SHISA6: variants seen among roughly 807,000 people sequenced by gnomAD.
SHISA6 encodes shisa family member 6.
Under a neutral mutation model 47.9 loss-of-function variants are expected in SHISA6, and 22 were observed. That is an observed-to-expected ratio of 0.46 (90% confidence interval 0.33 to 0.66). The LOEUF is 0.66. Ranked by LOEUF, SHISA6 falls within the 30% of genes least tolerant of loss-of-function variation. The pLI, the probability that SHISA6 is intolerant of heterozygous loss-of-function variation, is 0.02. For missense variants in SHISA6, 680 were observed against 764.6 expected (o/e 0.89, Z 1.30); for synonymous variants, 388 against 337.8 (o/e 1.15, Z -1.63).
At chr17:11,551,841 G>A in intron 3 of SHISA6, 55 bp from the exon 4 acceptor site, 3 of 1,414,530 alleles carry the variant, frequency 2.1e-6, no homozygotes. Context: ...TTATGTTGGA[G>A]AGATAGTGGA....
intron 3 of SHISA6, among the ~76,000 whole-genome samples, chr17:11,507,790 T>A (rs996408542): frequency 6.6e-6 from 1 of 152,216 alleles, no homozygotes; most frequent in Non-Finnish European, 1.5e-5. Flanking sequence ...TTTAAAACAA[T>A]AAGATTATTT....
intron 3 of SHISA6, among the ~76,000 whole-genome samples, chr17:11,400,285 C>G (rs1913721544): frequency 6.6e-6 from 1 of 152,196 alleles, no homozygotes. Context: ...TGCCATCTCT[C>G]AAACCCAGCA....
At chr17:11,524,965 G>A (rs984699062) in intron 3 of SHISA6, among the ~76,000 whole-genome samples, 10 of 152,170 alleles carry the variant, frequency 6.6e-5, no homozygotes, top group African/African-American at 2.4e-4. Context: ...AGATGACGGG[G>A]GGGTAGATGA....
chr17:11,418,053 TC>T (rs1914336696), intron 3 of SHISA6, among the ~76,000 whole-genome samples: 1 of 152,230 alleles, frequency 6.6e-6, no homozygotes, highest in Non-Finnish European at 1.5e-5. Flanking sequence ...TCACATGTGT[TC>T]TTCCCTAACC....
At chr17:11,521,042 A>G (rs917209283) in intron 3 of SHISA6, among the ~76,000 whole-genome samples, 12 of 152,216 alleles carry the variant, frequency 7.9e-5, no homozygotes, top group African/African-American at 2.9e-4. Context: ...AGAATGGGGA[A>G]CATTGTCATC....
At chr17:11,549,174 T>G (rs2142385549) in intron 3 of SHISA6, among the ~76,000 whole-genome samples, 1 of 151,864 alleles carries the variant, frequency 6.6e-6, no homozygotes, top group South Asian at 2.1e-4. Context: ...GGTGGGGGAG[T>G]TGGGGTTGAG....
chr17:11,332,893 G>A (rs2073460495), intron 2 of SHISA6, among the ~76,000 whole-genome samples: 1 of 152,186 alleles, frequency 6.6e-6, no homozygotes, highest in Admixed American at 6.5e-5. Context: ...TTGCAGGGAT[G>A]TTTGGTGTCA....
At chr17:11,461,559 G>C (rs938293341) in intron 3 of SHISA6, among the ~76,000 whole-genome samples, 25 of 152,212 alleles carry the variant, frequency 1.6e-4, no homozygotes, top group African/African-American at 5.8e-4. Flanking sequence ...CACCAGGATA[G>C]GACAAGAGGC....
intron 3 of SHISA6, among the ~76,000 whole-genome samples, chr17:11,477,936 G>A (rs1409566452): frequency 7.1e-6 from 1 of 140,264 alleles, no homozygotes; most frequent in African/African-American, 2.8e-5. Flanking sequence ...TATATACCCA[G>A]TAATGGGATG....
intron 2 of SHISA6, among the ~76,000 whole-genome samples, chr17:11,287,143 C>A (rs1374009048): frequency 6.6e-6 from 1 of 151,778 alleles, no homozygotes; most frequent in Non-Finnish European, 1.5e-5. Context: ...GCTTGTAGTC[C>A]CAGTTACTTG....
chr17:11,560,751 G>T lies in SHISA6; in HGVS notation c.*2447G>T, dbSNP rs1463658049. Reference sequence around the variant, plus strand: ...TGACAGGGTTTCTGTCTCTCTCAGGGGTTGTTGATGAGTTGATTCCAAGAC... The same window carrying T: ...TGACAGGGTTTCTGTCTCTCTCAGGTGTTGTTGATGAGTTGATTCCAAGAC... On this transcript the variant is annotated 3_prime_UTR_variant, in exon 6 of 6. Coordinates refer to ENST00000441885, the MANE Select transcript of SHISA6 (RefSeq NM_207386.4). The T allele has an allele frequency of 6.6e-6, 1 of 152,284 alleles. No homozygotes were observed. Among genetic ancestry groups the T allele is most frequent in the East Asian group, 1.9e-4 (1 of 5,176 alleles). 9.4% of individuals were successfully genotyped at this position (152,284 alleles called of 1,614,324 possible). A position where few individuals can be genotyped will look rare whatever the true frequency, so the allele number is the denominator to read the frequency against.
chr17:11,345,268 T>C (rs1480404840), intron 2 of SHISA6, among the ~76,000 whole-genome samples: 1 of 152,092 alleles, frequency 6.6e-6, no homozygotes, highest in Non-Finnish European at 1.5e-5. Context: ...GGTGTAGATA[T>C]CTCCTCAACA....
At chr17:11,556,414 T>C (rs2071980789) in intron 5 of SHISA6, among the ~76,000 whole-genome samples, 1 of 152,220 alleles carries the variant, frequency 6.6e-6, no homozygotes, top group African/African-American at 2.4e-5. Context: ...TGATGCCAGC[T>C]CTGCCTCTTG....
chr17:11,399,790 G>A (rs1567595382), intron 3 of SHISA6, among the ~76,000 whole-genome samples: 1 of 152,100 alleles, frequency 6.6e-6, no homozygotes, highest in African/African-American at 2.4e-5. Context: ...TGGAAATGTT[G>A]AGCCATGCAG....
At chr17:11,268,488 T>G (rs1319934409) in intron 2 of SHISA6, among the ~76,000 whole-genome samples, 2 of 152,244 alleles carry the variant, frequency 1.3e-5, no homozygotes, top group African/African-American at 4.8e-5. Context: ...TATTCTTGCA[T>G]TGAGATATTT....
chr17:11,555,642 A>G, intron 4 of SHISA6, 98 bp from the exon 5 acceptor site: 2 of 1,347,286 alleles, frequency 1.5e-6, no homozygotes, highest in East Asian at 5.2e-5. Context: ...GAGGTCCAGG[A>G]AAGGAGGATG....
At chr17:11,538,613 C>G (rs1261628103) in intron 3 of SHISA6, among the ~76,000 whole-genome samples, 1 of 152,158 alleles carries the variant, frequency 6.6e-6, no homozygotes, top group East Asian at 1.9e-4. Context: ...CCAGCAGTCA[C>G]CTAAGATGCT....
At chr17:11,407,216 G>T (rs186045596) in intron 3 of SHISA6, among the ~76,000 whole-genome samples, 1 of 151,908 alleles carries the variant, frequency 6.6e-6, no homozygotes, top group African/African-American at 2.4e-5. Context: ...AATTTTATAG[G>T]TGAGGAAACT....
chr17:11,315,151 A>G (rs1292514844), intron 2 of SHISA6, among the ~76,000 whole-genome samples: 1 of 152,100 alleles, frequency 6.6e-6, no homozygotes, highest in East Asian at 1.9e-4. Context: ...CAAAATTTTC[A>G]GTTTTTAATC....
Sources: gnomAD v4.1 joint callset for allele counts (sites outside exome capture counted in the v4.1 genomes callset) on GRCh38, gnomAD v4.1.1 for gene constraint, MANE v1.5 for transcripts, NCBI Gene and HGNC (gene_info 2026-07-23, HGNC 2026-07-21) for gene names.